The following MRTFB variants were observed in gnomAD, a reference collection of about 807,000 sequenced individuals.
The protein encoded by MRTFB is myocardin-related transcription factor B.
In MRTFB, 29 loss-of-function variants were observed where a neutral mutation model predicts 104.2. That is an observed-to-expected ratio of 0.28 (90% CI 0.21 to 0.38). MRTFB has a LOEUF of 0.38. Among genes scored for constraint, MRTFB ranks in the 10% least tolerant of loss-of-function variants. The pLI is 1.00. For missense variants in MRTFB, 1,270 were observed against 1,341.6 expected (o/e 0.95, Z 0.83); for synonymous variants, 535 against 519.5 (o/e 1.03, Z -0.41).
At chr16:14,128,219 G>A (rs1299123646) in intron 2 of MRTFB, among the ~76,000 whole-genome samples, 1 of 151,952 alleles carries the variant, frequency 6.6e-6, no homozygotes, top group African/African-American at 2.4e-5. Context: ...AGCGTAGTTG[G>A]GTTTCATGCC....
At chr16:14,087,435 C>G (rs1478177715) in intron 2 of MRTFB, among the ~76,000 whole-genome samples, 1 of 152,088 alleles carries the variant, frequency 6.6e-6, no homozygotes, top group African/African-American at 2.4e-5. Flanking sequence ...GGGAGTCTGA[C>G]TGTATTGCTG....
chr16:14,070,736 C>T (rs996147267), upstream of MRTFB, among the ~76,000 whole-genome samples: 4 of 152,244 alleles, frequency 2.6e-5, no homozygotes, highest in Non-Finnish European at 5.9e-5. Context: ...GAGCCTTGAA[C>T]GGAAAGAGGG....
the MRTFB span, among the ~76,000 whole-genome samples, chr16:14,020,690 G>A: frequency 1.3e-5 from 2 of 152,076 alleles, no homozygotes; most frequent in South Asian, 2.1e-4. Flanking sequence ...GCCAGATGAC[G>A]GCAGCTCCAG....
chr16:14,038,107 G>A, the MRTFB span, among the ~76,000 whole-genome samples: 1 of 152,204 alleles, frequency 6.6e-6, no homozygotes, highest in Non-Finnish European at 1.5e-5. Flanking sequence ...GAGGCTAGAA[G>A]TTCAAGACCA....
intron 2 of MRTFB, among the ~76,000 whole-genome samples, chr16:14,111,963 C>T (rs1318751359): frequency 2.6e-5 from 4 of 152,178 alleles, no homozygotes; most frequent in Non-Finnish European, 5.9e-5. Context: ...CCGTCCAGGG[C>T]GCTCCTTCTT....
At chr16:14,150,202 A>G (rs1414717323) in intron 3 of MRTFB, among the ~76,000 whole-genome samples, 2 of 152,218 alleles carry the variant, frequency 1.3e-5, no homozygotes, top group Admixed American at 1.3e-4. Flanking sequence ...CTTATCTGCA[A>G]AGTGGGGATC....
At chr16:14,178,476 C>T (rs997592349) in intron 3 of MRTFB, among the ~76,000 whole-genome samples, 1 of 152,190 alleles carries the variant, frequency 6.6e-6, no homozygotes, top group South Asian at 2.1e-4. Context: ...TCCTTAACTT[C>T]TCAAGCTTTG....
chr16:14,074,875 G>C (rs1038029458), intron 1 of MRTFB, among the ~76,000 whole-genome samples: 3 of 152,134 alleles, frequency 2.0e-5, no homozygotes, highest in African/African-American at 7.2e-5. Flanking sequence ...GTAAATATAA[G>C]AACCATTTTT....
rs1197362563 is a variant in MRTFB at position 14,113,205 on chromosome 16, A to G, written c.-63-27339A>G. ...ATTACAGGTGCCTGCCACCACACCCAGCTAATTTTTGTATTTTTAGTAGAG... is the reference window on the plus strand; with the variant it reads ...ATTACAGGTGCCTGCCACCACACCCGGCTAATTTTTGTATTTTTAGTAGAG... On this transcript the variant is annotated intron_variant, in intron 2 of 16. Coordinates refer to ENST00000571589, the MANE Select transcript of MRTFB (RefSeq NM_001308142.2). Among the ~76,000 whole-genome samples, 3 of 151,994 alleles carry G rather than the reference A, an allele frequency of 2.0e-5. No homozygotes were observed. The East Asian group carries it at 5.8e-4, about 29-fold the overall frequency.
intron 3 of MRTFB, among the ~76,000 whole-genome samples, chr16:14,182,324 G>C (rs1360933073): frequency 6.6e-6 from 1 of 152,198 alleles, no homozygotes; most frequent in East Asian, 1.9e-4. Flanking sequence ...GATGTATACA[G>C]GGTGTCCATG....
intron 3 of MRTFB, among the ~76,000 whole-genome samples, chr16:14,206,476 T>G (rs1458344257): frequency 6.6e-6 from 1 of 152,268 alleles, no homozygotes; most frequent in East Asian, 1.9e-4. Context: ...TCTGTACTTT[T>G]TATAAGTAGT....
intron 13 of MRTFB, among the ~76,000 whole-genome samples, chr16:14,250,984 A>G (rs889440176): frequency 6.6e-6 from 1 of 152,224 alleles, no homozygotes; most frequent in Admixed American, 6.5e-5. Context: ...TTTAAATTTG[A>G]GATACCTAAG....
At chr16:14,084,232 T>C (rs990173285) in intron 2 of MRTFB, among the ~76,000 whole-genome samples, 4 of 152,356 alleles carry the variant, frequency 2.6e-5, no homozygotes, top group South Asian at 4.1e-4. Flanking sequence ...TATTCACTTA[T>C]AGTGCAGTTT....
At chr16:14,189,519 A>G (rs1247150896) in intron 3 of MRTFB, among the ~76,000 whole-genome samples, 1 of 152,258 alleles carries the variant, frequency 6.6e-6, no homozygotes, top group Non-Finnish European at 1.5e-5. Context: ...CAAAAGAGAC[A>G]AATATATAAA....
intron 3 of MRTFB, among the ~76,000 whole-genome samples, chr16:14,178,758 T>G (rs28675830): frequency 0.056 from 8,538 of 152,100 alleles, 735 homozygotes; most frequent in African/African-American, 0.18. Context: ...TTGTTTGTTT[T>G]TTTTTCCCTG....
the MRTFB span, among the ~76,000 whole-genome samples, chr16:14,002,263 A>G: frequency 1.3e-5 from 2 of 152,164 alleles, no homozygotes; most frequent in South Asian, 4.2e-4. Flanking sequence ...GGTGCCTGTA[A>G]TCCCAGCTAC....
chr16:14,186,617 A>G (rs946525923), intron 3 of MRTFB: 6 of 991,300 alleles, frequency 6.1e-6, no homozygotes, highest in Non-Finnish European at 7.8e-6. Context: ...TGGCAAGGGA[A>G]AGGGGGCTGG....
At position 14,252,403 on chromosome 16, in the gene MRTFB, G is replaced by A. The variant is rs1251233704; in HGVS notation, c.2604G>A (p.Gln868=). 6.2e-7 allele frequency: 1 copy of A among 1,613,496 alleles called. No homozygotes were observed. The highest frequency in any genetic ancestry group is 1.3e-5 in the African/African-American group (1 of 74,700). Residue 868 remains glutamine (Q), a synonymous_variant, in exon 15 of 17, where the codon CAG becomes CAA. Coordinates refer to ENST00000571589, the MANE Select transcript of MRTFB (RefSeq NM_001308142.2). ...CGCCACCCCAGCAATTTGTCGTCCA[G>A]CACTCTCTATTTGGGAGTCCAGTCG... ...SPPPPQQFVV[Q]HSLFGSPVAK...
chr16:14,058,439 G>A, the MRTFB span, among the ~76,000 whole-genome samples: 4 of 127,998 alleles, frequency 3.1e-5, no homozygotes, highest in Admixed American at 2.6e-4. Context: ...CTCATGAGCC[G>A]GGCAATGTAC....
Sources: gnomAD v4.1 joint callset for allele counts (sites outside exome capture counted in the v4.1 genomes callset) on GRCh38, gnomAD v4.1.1 for gene constraint, MANE v1.5 for transcripts, NCBI Gene and HGNC (gene_info 2026-07-23, HGNC 2026-07-21) for gene names.